The following MYO7B variants were observed in gnomAD, a reference collection of about 807,000 sequenced individuals.
MYO7B encodes the protein unconventional myosin-VIIb.
Under a neutral mutation model 259.7 loss-of-function variants are expected in MYO7B, and 212 were observed. The observed-to-expected ratio is 0.82, with a 90% CI of 0.73 to 0.91. MYO7B has a LOEUF of 0.91. Ranked by LOEUF, MYO7B falls within the 40% of genes least tolerant of loss-of-function variation. MYO7B has a pLI of 0.00. For missense variants in MYO7B, 2,732 were observed against 2,813.5 expected (o/e 0.97, Z 0.66); for synonymous variants, 1,197 against 1,166.4 (o/e 1.03, Z -0.54).
chr2:127,633,206 G>A (rs1573727553), intron 39 of MYO7B, 52 bp from the exon 40 acceptor site: 2 of 1,401,720 alleles, frequency 1.4e-6, no homozygotes, highest in East Asian at 2.4e-5. Flanking sequence ...GCTGGGGCAT[G>A]GGTGAGGATG....
chr2:127,608,723 C>T lies in MYO7B; in HGVS notation c.2659C>T (p.Pro887Ser), dbSNP rs1190036886. ...GGGTATGCAGGCGCCGCTGGTCATC[C>T]CGGCCGAGGGGCAGAAAAGCCAAGG... Reference protein sequence around the residue: ...QRKANAPLVIPAEGQKSQGAL... With the variant: ...QRKANAPLVISAEGQKSQGAL... The change falls in exon 22 of 48, where the codon CCG becomes TCG. Residue 887 changes from proline to serine, a missense_variant. Pro to Ser is a moderately conservative substitution (Grantham distance 74). Around this residue, in one of 3 missense-constraint regions of MYO7B, gnomAD observed 1,906 missense variants for 2,026.4 expected, o/e 0.94. Transcript: ENST00000409816. The T allele has an allele frequency of 6.2e-7, 1 of 1,612,106 alleles. No individual in the cohort carries two copies. Among genetic ancestry groups the T allele is most frequent in the East Asian group, 2.2e-5 (1 of 44,846 alleles).
At chr2:127,589,864 A>T (rs1573661781) in intron 15 of MYO7B, among the ~76,000 whole-genome samples, 1 of 18,436 alleles carries the variant, frequency 5.4e-5, no homozygotes, top group African/African-American at 2.3e-4. Context: ...GGGCGGGTGG[A>T]TGGGTGGGTG....
chr2:127,573,814 A>G (rs973499219), intron 6 of MYO7B, 106 bp from the exon 7 acceptor site: 14 of 1,444,420 alleles, frequency 9.7e-6, no homozygotes, highest in Middle Eastern at 1.8e-4. Flanking sequence ...CCATTCTTCA[A>G]TTCGAGGCTT....
intron 15 of MYO7B, among the ~76,000 whole-genome samples, chr2:127,588,767 AGTGGATGGATGGGTGGTGGGTGG>A (rs1679407749): frequency 3.0e-5 from 1 of 33,412 alleles, no homozygotes; most frequent in Admixed American, 4.0e-4. Flanking sequence ...TGGATGGGTG[AGTGGATGGATGGGTGGTGGGTGG>A]GTGGATGGAT....
intron 14 of MYO7B, 115 bp from the exon 15 acceptor site, chr2:127,588,277 T>C (rs891435797): frequency 1.1e-5 from 14 of 1,227,046 alleles, no homozygotes; most frequent in South Asian, 2.9e-5. Context: ...AGTGGGGCCA[T>C]TGTAGGAGGG....
At chr2:127,543,710 T>C (rs1053553263) in intron 1 of MYO7B, among the ~76,000 whole-genome samples, 2 of 151,776 alleles carry the variant, frequency 1.3e-5, no homozygotes, top group African/African-American at 4.9e-5. Context: ...TGTATATATA[T>C]ATCCTCTCTC....
chr2:127,564,701 GC>G (rs1438080037), intron 3 of MYO7B, among the ~76,000 whole-genome samples: 2 of 152,176 alleles, frequency 1.3e-5, no homozygotes, highest in African/African-American at 2.4e-5. Context: ...GGAGTGTCCA[GC>G]CGGTCACTTA....
chr2:127,623,803 T>TCAGA lies in MYO7B; in HGVS notation c.3820-288_3820-287insGACA, dbSNP rs111687653. Among the ~76,000 whole-genome samples the TCAGA allele has an allele frequency of 6.5e-3, 986 of 152,092 alleles. 12 individuals carry two copies. Among genetic ancestry groups the TCAGA allele is most frequent in the African/African-American group, 0.022 (894 of 41,468 alleles). The stretch of plus-strand genomic sequence containing the variant: ...CAATTCCACGCCCACACCCTCAGAC[T>TCAGA]CACACACCAGTCATCCAACCGAGGC... On this transcript the variant is annotated intron_variant, in intron 29 of 47. Coordinates refer to ENST00000409816, the MANE Select transcript of MYO7B (RefSeq NM_001393586.1).
In MYO7B at chr2:127,634,593, C is replaced by T; in HGVS notation, c.5626-3C>T. The T allele has an allele frequency of 4.3e-6, 7 of 1,610,412 alleles. No homozygotes were observed. The highest frequency in any genetic ancestry group is 5.1e-6 in the Non-Finnish European group (6 of 1,178,346). On this transcript the variant is annotated splice_polypyrimidine_tract_variant and splice_region_variant and intron_variant, in intron 41 of 47. Transcript: ENST00000409816. ...AACTTCCCTGTACCTTCCCCTTCCC[C>T]AGGTCATCAGCCAGAAGGAGGGAGA... is the stretch of plus-strand genomic sequence containing the variant.
intron 43 of MYO7B, 114 bp from the exon 44 acceptor site, chr2:127,635,608 C>A: frequency 6.0e-6 from 7 of 1,160,308 alleles, no homozygotes; most frequent in Non-Finnish European, 8.5e-6. Flanking sequence ...CTGCTCAGTC[C>A]GTCCTGGATG....
chr2:127,585,213 T>C lies in MYO7B; in HGVS notation c.1690+300T>C, dbSNP rs1679255484. Among the ~76,000 whole-genome samples, 1 of 152,182 alleles carries C rather than the reference T, an allele frequency of 6.6e-6. No homozygotes were observed. The highest frequency in any genetic ancestry group is 1.5e-5 in the Non-Finnish European group (1 of 68,028). ...TGATTGCCACAATTTTAGAACTTTT[T>C]CGCCACCCCTAAAAGAAACCCCTCA... On this transcript the variant is annotated intron_variant, in intron 14 of 47. Coordinates refer to ENST00000409816, the MANE Select transcript of MYO7B (RefSeq NM_001393586.1). The surrounding 1 kb of genome is among the most constrained non-coding windows in gnomAD (Gnocchi z 4.3).
rs62156599 is a variant in MYO7B at position 127,546,915 on chromosome 2, C to T, written c.-24+11084C>T. On this transcript the variant is annotated intron_variant, in intron 1 of 47. Coordinates refer to ENST00000409816, the MANE Select transcript of MYO7B (RefSeq NM_001393586.1). The surrounding 1 kb of genome is among the most constrained non-coding windows in gnomAD (Gnocchi z 4.2). ...CACCATCCATCTATCCACCCACCCACCCATTCACCCACTCATTCAACCACT... is the reference window on the plus strand; with the variant it reads ...CACCATCCATCTATCCACCCACCCATCCATTCACCCACTCATTCAACCACT... 0.12 allele frequency among the ~76,000 whole-genome samples: 17,851 copies of T among 151,944 alleles called. 1,374 individuals carry two copies. Among genetic ancestry groups the T allele is most frequent in the South Asian group, 0.3 (1,468 of 4,814 alleles).
intron 12 of MYO7B, among the ~76,000 whole-genome samples, chr2:127,583,179 G>A (rs1473736676): frequency 6.6e-6 from 1 of 152,210 alleles, no homozygotes; most frequent in Non-Finnish European, 1.5e-5. Flanking sequence ...CTGGCTCCAG[G>A]AAGCAGAGCT....
chr2:127,634,503 GC>G, intron 41 of MYO7B, 92 bp from the exon 42 acceptor site: 1 of 1,178,094 alleles, frequency 8.5e-7, no homozygotes, highest in South Asian at 1.3e-5. Context: ...CAGCACCCAG[GC>G]CGTAGGCGGC....
Position 127,536,114 on chromosome 2 carries a change from CAG to C in MYO7B, c.-24+284_-24+285del, listed in dbSNP as rs896197083. Among the ~76,000 whole-genome samples, 11 of 152,262 alleles carry C rather than the reference CAG, an allele frequency of 7.2e-5. No homozygotes were observed. In the South Asian group the frequency reaches 8.3e-4, roughly 11 times the overall value. On this transcript the variant is annotated intron_variant, in intron 1 of 47. Transcript: ENST00000409816. ...CAAACTCCCTGCAGGAGGGGAACGG[CAG>C]GTGCCAAGGCTGCTCCCACCCTGAA...
intron 29 of MYO7B, 36 bp from the exon 30 acceptor site, chr2:127,624,057 C>G: frequency 1.3e-6 from 2 of 1,522,282 alleles, no homozygotes; most frequent in Non-Finnish European, 1.8e-6. Flanking sequence ...GGGCATGCAA[C>G]AGCCGCTAAC....
intron 9 of MYO7B, 26 bp from the exon 10 acceptor site, chr2:127,580,720 C>G (rs771044793): frequency 6.2e-7 from 1 of 1,602,092 alleles, no homozygotes; most frequent in South Asian, 1.1e-5. Flanking sequence ...TGCTTTCCAA[C>G]TCAGCATTCC....
chr2:127,540,169 AT>A (rs1289905764), intron 1 of MYO7B, among the ~76,000 whole-genome samples: 34 of 147,572 alleles, frequency 2.3e-4, no homozygotes, highest in Admixed American at 2.0e-4. Flanking sequence ...TTCTGGTTTT[AT>A]TTTTTTTTTT....
At chr2:127,610,341 G>A (rs2105036069) in intron 24 of MYO7B, among the ~76,000 whole-genome samples, 1 of 152,316 alleles carries the variant, frequency 6.6e-6, no homozygotes, top group Non-Finnish European at 1.5e-5. Flanking sequence ...CTGACTGACA[G>A]CCTGCTCTGT....
Sources: gnomAD v4.1 joint callset for allele counts (sites outside exome capture counted in the v4.1 genomes callset) on GRCh38, gnomAD v4.1.1 for gene constraint, gnomAD v4.1.1 regional missense constraint, Gnocchi (gnomAD v3.1) non-coding constraint, MANE v1.5 for transcripts, NCBI Gene and HGNC (gene_info 2026-07-23, HGNC 2026-07-21) for gene names.